The following PKD2 variants were observed in gnomAD, a reference collection of about 807,000 sequenced individuals.
The protein encoded by PKD2 is polycystin 2, transient receptor potential cation channel.
In PKD2, 48 loss-of-function variants were observed where a neutral mutation model predicts 105.9. The observed-to-expected ratio is 0.45, with a 90% CI of 0.36 to 0.58. The LOEUF (loss-of-function observed/expected upper bound fraction) is 0.58. Ranked by LOEUF, PKD2 falls within the 20% of genes least tolerant of loss-of-function variation. The probability of loss-of-function intolerance (pLI) is 0.00; values close to 1 mark genes in which losing one functional copy is unlikely to be tolerated. For missense variants in PKD2, 1,078 were observed against 1,255.3 expected (o/e 0.86, Z 2.13); for synonymous variants, 464 against 481.1 (o/e 0.96, Z 0.46).
At chr4:88,053,273 G>A (rs1252130140) in intron 7 of PKD2, among the ~76,000 whole-genome samples, 1 of 152,102 alleles carries the variant, frequency 6.6e-6, no homozygotes, top group Non-Finnish European at 1.5e-5. Context: ...ATCACAGAAC[G>A]TTCTCTTGAA....
rs1462934569 is a variant in PKD2, at chr4:88,075,569, G to A, written c.2782G>A (p.Gly928Ser). 1 of 1,614,052 alleles carries A rather than the reference G, an allele frequency of 6.2e-7. No individual in the cohort carries two copies. The highest frequency in any genetic ancestry group is 8.5e-7 in the Non-Finnish European group (1 of 1,180,024). Reference protein sequence around the residue: ...SDDAASQISHGLGTPVGLNGQ... With the variant: ...SDDAASQISHSLGTPVGLNGQ... ...TGATGCAGCTTCCCAGATCAGTCAT[G>A]GTTTAGGCACGCCAGTGGGACTAAA... The change falls in exon 15 of 15, where the codon GGT becomes AGT. Residue 928 changes from glycine to serine, a missense_variant. By Grantham distance (56) the Gly-to-Ser change is moderately conservative. Coordinates refer to ENST00000237596, the MANE Select transcript of PKD2 (RefSeq NM_000297.4).
chr4:88,017,050 G>A (rs1471478404), intron 1 of PKD2, among the ~76,000 whole-genome samples: 1 of 151,656 alleles, frequency 6.6e-6, no homozygotes, highest in Non-Finnish European at 1.5e-5. Flanking sequence ...GGGAGGCCAA[G>A]TGCAGTGGCA....
At chr4:88,061,799 G>A (rs1720582703) in intron 9 of PKD2, 107 bp from the exon 10 acceptor site, 1 of 667,894 alleles carries the variant, frequency 1.5e-6, no homozygotes, top group East Asian at 2.8e-5. Context: ...AAAGCACTCA[G>A]ATTAGGAAAA....
intron 4 of PKD2, among the ~76,000 whole-genome samples, chr4:88,039,589 C>G (rs934073146): frequency 6.7e-6 from 1 of 148,396 alleles, no homozygotes; most frequent in Admixed American, 6.8e-5. Context: ...TGCTTGAGCC[C>G]GAGTGGTGGG....
Position 88,065,452 on chromosome 4 carries a change from G to A in PKD2, c.2197G>A (p.Gly733Arg), listed in dbSNP as rs778707203. Residue 733 changes from glycine (G) to arginine (R), a missense_variant, in exon 11 of 15, where the codon GGA (glycine) becomes AGA (arginine). By Grantham distance (125) the Gly-to-Arg change is moderately radical (BLOSUM62 -2). This residue lies in a region of PKD2 where 868 missense variants were observed against 1,067.3 expected (regional missense o/e 0.81). Coordinates refer to ENST00000237596, the MANE Select transcript of PKD2 (RefSeq NM_000297.4). ...CATTTCAGAGAGTCTGCGGCAAGGAGGAGGCAAGTTAAACTTTGACGAACT... is the reference window on the plus strand; with the variant it reads ...CATTTCAGAGAGTCTGCGGCAAGGAAGAGGCAAGTTAAACTTTGACGAACT... ...DDISESLRQG[G>R]GKLNFDELRQ... 3.1e-6 allele frequency: 5 copies of A among 1,613,578 alleles called. No homozygotes were observed. The highest frequency in any genetic ancestry group is 1.1e-5 in the South Asian group (1 of 91,052).
chr4:88,024,172 A>G (rs1726864556), intron 2 of PKD2, among the ~76,000 whole-genome samples: 1 of 152,122 alleles, frequency 6.6e-6, no homozygotes, highest in Non-Finnish European at 1.5e-5. Context: ...CTTTGAAAAC[A>G]GTGTCTGGGT....
intron 1 of PKD2, among the ~76,000 whole-genome samples, chr4:88,013,897 T>C (rs1400055456): frequency 6.6e-6 from 1 of 152,170 alleles, no homozygotes; most frequent in Non-Finnish European, 1.5e-5. Context: ...CGTTTTCCTG[T>C]AGACATTTGG....
At chr4:88,022,713 G>C (rs1726795767) in intron 2 of PKD2, among the ~76,000 whole-genome samples, 2 of 152,178 alleles carry the variant, frequency 1.3e-5, no homozygotes, top group South Asian at 4.1e-4. Context: ...AAATGAGATA[G>C]TGTACTTACC....
chr4:88,038,203 C>T (rs1451275195), intron 3 of PKD2, 48 bp from the exon 4 acceptor site: 1 of 1,608,422 alleles, frequency 6.2e-7, no homozygotes, highest in Non-Finnish European at 8.5e-7. Context: ...AGGGGCAAGA[C>T]AGCGGCTGAG....
At chr4:88,012,287 A>C (rs1177045457) in intron 1 of PKD2, among the ~76,000 whole-genome samples, 1 of 152,232 alleles carries the variant, frequency 6.6e-6, no homozygotes, top group Non-Finnish European at 1.5e-5. Context: ...CTAAAGGTTA[A>C]ATGACTTGCC....
intron 8 of PKD2, among the ~76,000 whole-genome samples, chr4:88,057,212 A>C (rs1486730826): frequency 2.0e-5 from 3 of 150,712 alleles, no homozygotes; most frequent in Non-Finnish European, 4.4e-5. Context: ...GTGGTATTGA[A>C]CTCCAGGGCC....
chr4:88,034,539 A>G (rs902224186), intron 2 of PKD2, among the ~76,000 whole-genome samples: 12 of 151,892 alleles, frequency 7.9e-5, no homozygotes, highest in African/African-American at 2.7e-4. Flanking sequence ...ATGGTAGCAC[A>G]TGCCTGTAAT....
chr4:88,024,047 C>G (rs1360432181), intron 2 of PKD2, among the ~76,000 whole-genome samples: 1 of 152,150 alleles, frequency 6.6e-6, no homozygotes, highest in Non-Finnish European at 1.5e-5. Flanking sequence ...GCTATGAATT[C>G]ACCATTAAAG....
chr4:88,007,706 A>T lies in PKD2; in HGVS notation c.-28A>T. 4 of 1,169,290 alleles carry T rather than the reference A, an allele frequency of 3.4e-6. No homozygotes were observed. The African/African-American group carries it at 4.9e-5, about 14-fold the overall frequency. The allele number at this position is 1,169,290 out of a possible 1,614,324, so 72.4% of individuals were successfully genotyped here. ...CACAGCGCCGAGCGCGGCGCCGCGC[A>T]CCCGCGCGCCGGACGCCAGTGACCG... On this transcript the variant is annotated 5_prime_UTR_variant, in exon 1 of 15. Transcript: ENST00000237596.
At chr4:88,059,046 G>C (rs1358144522) in intron 9 of PKD2, among the ~76,000 whole-genome samples, 1 of 152,118 alleles carries the variant, frequency 6.6e-6, no homozygotes, top group East Asian at 1.9e-4. Flanking sequence ...GTAATTCAGT[G>C]TAATAACTCT....
chr4:88,067,690 G>A (rs1398014921), intron 12 of PKD2, among the ~76,000 whole-genome samples: 1 of 152,066 alleles, frequency 6.6e-6, no homozygotes, highest in East Asian at 1.9e-4. Flanking sequence ...GTTCTTTCTT[G>A]TTCAAACAAA....
intron 2 of PKD2, among the ~76,000 whole-genome samples, chr4:88,031,113 G>C (rs1286086390): frequency 6.6e-6 from 1 of 152,180 alleles, no homozygotes; most frequent in Non-Finnish European, 1.5e-5. Flanking sequence ...TAGAGCCACA[G>C]ATCCCAGTCA....
chr4:88,043,207 T>G, intron 4 of PKD2, 26 bp from the exon 5 acceptor site: 1 of 1,418,192 alleles, frequency 7.1e-7, no homozygotes, highest in Non-Finnish European at 1.0e-6. Context: ...TGTAACTGTT[T>G]GTTTTTTGGT....
rs1727788262 is a variant in PKD2 at position 88,046,749 on chromosome 4, G to T, written c.1427G>T (p.Cys476Phe). The change falls in exon 6 of 15, where the codon TGT becomes TTT. Residue 476 changes from cysteine (C) to phenylalanine (F), a missense_variant. Cys to Phe is a radical substitution (Grantham distance 205). Transcript: ENST00000237596. ...VTTFDFFLAA[C>F]EIIFCFFIFY... The stretch of plus-strand genomic sequence containing the variant: ...ACTTTTGATTTCTTCCTGGCAGCCT[G>T]TGAGATTATCTTTTGTTTCTTTATC... 3 of 1,612,880 alleles carry T rather than the reference G, an allele frequency of 1.9e-6. No homozygotes were observed. In the African/African-American group the frequency reaches 4.0e-5, roughly 22 times the overall value.
Sources: gnomAD v4.1 joint callset for allele counts (sites outside exome capture counted in the v4.1 genomes callset) on GRCh38, gnomAD v4.1.1 for gene constraint, gnomAD v4.1.1 regional missense constraint, MANE v1.5 for transcripts, NCBI Gene and HGNC (gene_info 2026-07-23, HGNC 2026-07-21) for gene names.